MYBL2: variants seen among roughly 807,000 people sequenced by gnomAD.
MYBL2 encodes the protein MYB proto-oncogene like 2.
MYBL2 carries 28 observed loss-of-function variants against 79.9 expected under a neutral mutation model. The ratio of observed to expected loss-of-function variants is 0.35; its 90% CI spans 0.26 to 0.48. The LOEUF is 0.48. Ranked by LOEUF, MYBL2 falls within the 20% of genes least tolerant of loss-of-function variation. The pLI, the probability that MYBL2 is intolerant of heterozygous loss-of-function variation, is 0.99. For missense variants in MYBL2, 735 were observed against 893.9 expected (o/e 0.82, Z 2.27); for synonymous variants, 378 against 361.2 (o/e 1.05, Z -0.53).
intron 10 of MYBL2, among the ~76,000 whole-genome samples, chr20:43,710,760 A>G (rs562842166): frequency 6.6e-6 from 1 of 152,210 alleles, no homozygotes; most frequent in African/African-American, 2.4e-5. Flanking sequence ...CTGCCATGGA[A>G]CTGATTCTGA....
intron 6 of MYBL2, 93 bp downstream of exon 6, chr20:43,692,412 T>G (rs1987434742): frequency 1.3e-6 from 2 of 1,508,870 alleles, no homozygotes; most frequent in Non-Finnish European, 1.8e-6. Flanking sequence ...TTGGTCAGTT[T>G]CTGCCACAGA....
Position 43,668,726 on chromosome 20 carries a change from A to G in MYBL2, c.20+1423A>G, listed in dbSNP as rs8121982. Among the ~76,000 whole-genome samples, 636 of 137,588 alleles carry G rather than the reference A, an allele frequency of 4.6e-3. 5 individuals carry two copies. The highest frequency in any genetic ancestry group is 0.016 in the African/African-American group (602 of 36,776). The allele number at this position is 137,588 out of a possible 152,430, so 90.3% of individuals were successfully genotyped here. On this transcript the variant is annotated intron_variant, in intron 1 of 13. Transcript: ENST00000217026. ...TTTTTGAGGCAGGGTCTCCGTCTGCAGTCCAGGCCGGAGTGCTGTGGTGCT... is the reference window on the plus strand; with the variant it reads ...TTTTTGAGGCAGGGTCTCCGTCTGCGGTCCAGGCCGGAGTGCTGTGGTGCT...
intron 4 of MYBL2, among the ~76,000 whole-genome samples, chr20:43,683,266 G>T (rs976836371): frequency 6.6e-6 from 1 of 152,204 alleles, no homozygotes; most frequent in African/African-American, 2.4e-5. Context: ...CTGATTTAAT[G>T]ATGATTGCAC....
intron 7 of MYBL2, among the ~76,000 whole-genome samples, chr20:43,700,284 A>G (rs1411087903): frequency 6.6e-6 from 1 of 152,078 alleles, no homozygotes; most frequent in Non-Finnish European, 1.5e-5. Flanking sequence ...ACCTCTATGT[A>G]TGGCACAGGG....
chr20:43,675,758 G>A (rs1216355806), intron 2 of MYBL2, among the ~76,000 whole-genome samples: 1 of 78,232 alleles, frequency 1.3e-5, no homozygotes, highest in Non-Finnish European at 2.6e-5. Context: ...CTTTTTGGGG[G>A]CTTTGTGTGT....
rs1182146678 is a variant in MYBL2, at chr20:43,716,450, A to G, written c.*363A>G. On this transcript the variant is annotated 3_prime_UTR_variant, in exon 14 of 14. Transcript: ENST00000217026. ...TCCTGTGCTCACCCTCTCTTGGTGC[A>G]TTTTTTTGGAAGAATAAAATTGCCT... is the stretch of plus-strand genomic sequence containing the variant. The G allele has an allele frequency of 8.0e-6, 2 of 250,784 alleles. No homozygotes were observed. The highest frequency in any genetic ancestry group is 1.5e-5 in the Non-Finnish European group (2 of 133,012). 15.5% of individuals were successfully genotyped at this position (250,784 alleles called of 1,614,324 possible).
In MYBL2 at chr20:43,673,799, C is replaced by G. The variant is rs753924611; in HGVS notation, c.21-7C>G. On this transcript the variant is annotated splice_polypyrimidine_tract_variant and splice_region_variant and intron_variant, in intron 1 of 13. Coordinates refer to ENST00000217026, the MANE Select transcript of MYBL2 (RefSeq NM_002466.4). ...CATCCTTGACCCTTGGCCTGCTTTC[C>G]CCATAGCGAGGATCTGGATGAGCTG... The G allele has an allele frequency of 8.9e-6, 14 of 1,569,648 alleles. No homozygotes were observed. In the South Asian group the frequency reaches 1.6e-4, roughly 18 times the overall value.
At chr20:43,685,256 T>C (rs1016396358) in intron 4 of MYBL2, among the ~76,000 whole-genome samples, 20 of 151,976 alleles carry the variant, frequency 1.3e-4, no homozygotes, top group African/African-American at 4.6e-4. Flanking sequence ...TCTCAGCTCA[T>C]TGCAACCTCC....
intron 1 of MYBL2, among the ~76,000 whole-genome samples, chr20:43,673,292 GAAAATAA>G (rs1363204656): frequency 6.7e-6 from 1 of 148,896 alleles, no homozygotes; most frequent in African/African-American, 2.5e-5. Flanking sequence ...GGGCATTCCT[GAAAATAA>G]AAAAGAAGAA....
Position 43,715,137 on chromosome 20 carries a change from A to G in MYBL2, c.1828A>G (p.Thr610Ala), listed in dbSNP as rs191418662. Residue 610 changes from threonine (T) to alanine (A), a missense_variant, in exon 13 of 14, where the codon ACA becomes GCA. Coordinates refer to ENST00000217026, the MANE Select transcript of MYBL2 (RefSeq NM_002466.4). ...CTTGACTTGGTTTTGGTTTCAGCCGACAACTGCCCCTTCAAACTCTTCCAG... is the reference window on the plus strand; with the variant it reads ...CTTGACTTGGTTTTGGTTTCAGCCGGCAACTGCCCCTTCAAACTCTTCCAG... ...STLPKSLSLP[T>A]TAPSNSSSLT... 2.4e-4 allele frequency: 382 copies of G among 1,614,080 alleles called. 8 individuals carry two copies. In the East Asian group the frequency reaches 8.4e-3, roughly 36 times the overall value.
chr20:43,696,710 A>G (rs1365032968), intron 6 of MYBL2, among the ~76,000 whole-genome samples: 1 of 152,286 alleles, frequency 6.6e-6, no homozygotes, highest in Admixed American at 6.5e-5. Context: ...GTTTCTTTGT[A>G]CATTTGCTGA....
At chr20:43,681,929 G>T in intron 3 of MYBL2, 74 bp downstream of exon 3, 1 of 1,510,036 alleles carries the variant, frequency 6.6e-7, no homozygotes, top group Non-Finnish European at 9.1e-7. Flanking sequence ...GACAGACTTT[G>T]CCAAGGAGGG....
chr20:43,707,194 T>TA (rs1987810700), intron 9 of MYBL2, among the ~76,000 whole-genome samples: 6 of 150,238 alleles, frequency 4.0e-5, no homozygotes, highest in Admixed American at 3.3e-4. Context: ...TTTTTTTTTT[T>TA]TAAAAAAAAA....
chr20:43,693,715 T>A lies in MYBL2; in HGVS notation c.663+1396T>A, dbSNP rs931962673. ...GTCCTATATACCAGAGCAAAGTTTT[T>A]ATTTATATTTTTTAGCTATATCTCT... On this transcript the variant is annotated intron_variant, in intron 6 of 13. Coordinates refer to ENST00000217026, the MANE Select transcript of MYBL2 (RefSeq NM_002466.4). Among the ~76,000 whole-genome samples, 10 of 152,232 alleles carry A rather than the reference T, an allele frequency of 6.6e-5. 1 individual carries two copies. The highest frequency in any genetic ancestry group is 2.4e-4 in the African/African-American group (10 of 41,472).
rs112130124 is a variant in MYBL2, at chr20:43,702,564, C to T, written c.1026C>T (p.Asn342=). The T allele has an allele frequency of 1.5e-5, 25 of 1,614,198 alleles. No individual in the cohort carries two copies. Among genetic ancestry groups the T allele is most frequent in the Middle Eastern group, 1.6e-4 (1 of 6,062 alleles). Residue 342 remains asparagine (N), a synonymous_variant, in exon 8 of 14, where the codon AAC becomes AAT. Coordinates refer to ENST00000217026, the MANE Select transcript of MYBL2 (RefSeq NM_002466.4). ...CATCTGCAGAGGACAGTATCAACAACAGCCTAGTGCAGCTGCAAGCGTCAC... is the reference window on the plus strand; with the variant it reads ...CATCTGCAGAGGACAGTATCAACAATAGCCTAGTGCAGCTGCAAGCGTCAC... The part of the protein sequence containing the change: ...EEPSAEDSIN[N]SLVQLQASHQ...
chr20:43,674,234 C>CTCCT (rs1986948276), intron 2 of MYBL2, among the ~76,000 whole-genome samples: 3 of 72,230 alleles, frequency 4.2e-5, no homozygotes, highest in Non-Finnish European at 9.1e-5. Flanking sequence ...TCCCCCCACC[C>CTCCT]TTTTTTTTTT....
intron 7 of MYBL2, among the ~76,000 whole-genome samples, chr20:43,701,352 G>C (rs995035443): frequency 6.6e-6 from 1 of 152,168 alleles, no homozygotes; most frequent in African/African-American, 2.4e-5. Context: ...GGTCGGTCCT[G>C]CCCCCCAGCT....
chr20:43,702,670 A>G lies in MYBL2; in HGVS notation c.1132A>G (p.Ile378Val). 1.2e-6 allele frequency: 2 copies of G among 1,614,002 alleles called. No homozygotes were observed. Among genetic ancestry groups the G allele is most frequent in the Non-Finnish European group, 1.7e-6 (2 of 1,179,944 alleles). The change falls in exon 8 of 14, where the codon ATC becomes GTC. Residue 378 changes from isoleucine to valine, a missense_variant. Around this residue, in one of 5 missense-constraint regions of MYBL2, gnomAD observed 243 missense variants for 327.2 expected, o/e 0.74. Coordinates refer to ENST00000217026, the MANE Select transcript of MYBL2 (RefSeq NM_002466.4). ...CGAGTACCGCCTGGATGGCCACACC[A>G]TCTCAGACCTGAGCCGGAGCAGCCG... The part of the protein sequence containing the change: ...VTEYRLDGHT[I>V]SDLSRSSRGE...
intron 8 of MYBL2, among the ~76,000 whole-genome samples, chr20:43,703,595 T>C (rs1462249017): frequency 1.3e-5 from 2 of 151,990 alleles, no homozygotes; most frequent in East Asian, 3.9e-4. Flanking sequence ...ACAGAGTGGA[T>C]GTGTGGAGTG....
Sources: allele counts gnomAD v4.1 joint callset (sites outside exome capture counted in the v4.1 genomes callset), GRCh38; gene constraint gnomAD v4.1.1; regional missense constraint gnomAD v4.1.1; transcripts MANE v1.5; gene names NCBI Gene and HGNC (gene_info 2026-07-23, HGNC 2026-07-21).